Variants in PTK2 observed in about 807,000 individuals in gnomAD.
PTK2 encodes protein tyrosine kinase 2, also known as focal adhesion kinase 1.
Under a neutral mutation model 150.1 loss-of-function variants are expected in PTK2, and 45 were observed. The ratio of observed to expected loss-of-function variants is 0.30; its 90% CI spans 0.24 to 0.38. The LOEUF (loss-of-function observed/expected upper bound fraction) is 0.38. PTK2 is among the 10% of genes least tolerant of loss of function. The pLI is 1.00. For missense variants in PTK2, 919 were observed against 1,307.3 expected (o/e 0.70, Z 4.58); for synonymous variants, 432 against 449.2 (o/e 0.96, Z 0.48).
At chr8:140,706,359 C>T (rs1458876052) in intron 23 of PTK2, among the ~76,000 whole-genome samples, 154 bp from the exon 27 acceptor site, 11 of 152,166 alleles carry the variant, frequency 7.2e-5, no homozygotes, top group Non-Finnish European at 2.9e-5. Flanking sequence ...ACAGTCTTTT[C>T]AACAAATGAT....
intron 20 of PTK2, among the ~76,000 whole-genome samples, chr8:140,740,139 A>G (rs1225336580): frequency 6.6e-6 from 1 of 152,216 alleles, no homozygotes; most frequent in Admixed American, 6.5e-5. Flanking sequence ...AAACCTTAGT[A>G]AACATTTCCT....
chr8:140,674,521 C>T, intron 28 of PTK2, 117 bp from the exon 32 acceptor site: 2 of 852,368 alleles, frequency 2.3e-6, no homozygotes, highest in Non-Finnish European at 3.7e-6. Flanking sequence ...GGGCAGATCA[C>T]CTGAGGTCAG....
At chr8:140,937,475 T>C (rs2100174036) in intron 1 of PTK2, among the ~76,000 whole-genome samples, 1 of 151,884 alleles carries the variant, frequency 6.6e-6, no homozygotes, top group Non-Finnish European at 1.5e-5. Context: ...GCTTAAAGTA[T>C]ACTCTAATTG....
chr8:140,964,969 G>A (rs999589339), intron 1 of PTK2, among the ~76,000 whole-genome samples: 7 of 152,104 alleles, frequency 4.6e-5, no homozygotes, highest in Admixed American at 3.9e-4. Context: ...TGGCTTTACA[G>A]AATTTTGATG....
intron 2 of PTK2, among the ~76,000 whole-genome samples, chr8:140,923,389 T>C (rs1314650772): frequency 6.6e-6 from 1 of 152,184 alleles, no homozygotes; most frequent in East Asian, 1.9e-4. Flanking sequence ...ACAATCTCAG[T>C]GAAGCAGCTA....
At chr8:140,814,776 CTTT>C (rs1167413529) in intron 10 of PTK2, among the ~76,000 whole-genome samples, 5 of 141,832 alleles carry the variant, frequency 3.5e-5, no homozygotes, top group Non-Finnish European at 3.1e-5. Context: ...ATAAATTGTT[CTTT>C]TTTTTTTTTT....
At chr8:140,891,353 T>A (rs551761838) in intron 2 of PTK2, among the ~76,000 whole-genome samples, 1 of 152,214 alleles carries the variant, frequency 6.6e-6, no homozygotes, top group Non-Finnish European at 1.5e-5. Context: ...TTAAGTGCGA[T>A]AAAGGACTTC....
Position 140,956,073 on chromosome 8 carries a change from C to T in PTK2, c.-121-30324G>A, listed in dbSNP as rs148117299. 3.4e-3 allele frequency among the ~76,000 whole-genome samples: 516 copies of T among 152,310 alleles called. 4 individuals carry two copies. The highest frequency in any genetic ancestry group is 0.012 in the African/African-American group (501 of 41,562). On this transcript the variant is annotated intron_variant, in intron 1 of 31. Transcript: ENST00000522684. Reference sequence around the variant, plus strand: ...TCCACTACGCCCTATGCACTTTCCTCTCAAACTTCAGATAGTCAGGTCTTT... The same window carrying T: ...TCCACTACGCCCTATGCACTTTCCTTTCAAACTTCAGATAGTCAGGTCTTT...
At chr8:140,699,826 G>A (rs2100029157) in intron 26 of PTK2, among the ~76,000 whole-genome samples, 2 of 150,728 alleles carry the variant, frequency 1.3e-5, no homozygotes, top group African/African-American at 4.9e-5. Context: ...TTTTTCCTTA[G>A]GAGACAGAGT....
At chr8:140,827,512 C>T (rs1475615386) in intron 8 of PTK2, among the ~76,000 whole-genome samples, 1 of 152,058 alleles carries the variant, frequency 6.6e-6, no homozygotes, top group Non-Finnish European at 1.5e-5. Context: ...AAGATACCTG[C>T]ACAAATTTCC....
chr8:140,872,071 G>A (rs2100142861), intron 4 of PTK2, among the ~76,000 whole-genome samples: 1 of 152,044 alleles, frequency 6.6e-6, no homozygotes, highest in East Asian at 1.9e-4. Flanking sequence ...GCCAGGTGTT[G>A]TGGCGTAAGG....
intron 2 of PTK2, 92 bp from the exon 3 acceptor site, chr8:140,890,861 C>A: frequency 9.2e-7 from 1 of 1,088,792 alleles, no homozygotes; most frequent in Non-Finnish European, 1.4e-6. Flanking sequence ...GTCCTATACT[C>A]TCTCTTGATA....
At chr8:140,984,877 G>C (rs1588701546) in intron 1 of PTK2, among the ~76,000 whole-genome samples, 2 of 152,202 alleles carry the variant, frequency 1.3e-5, no homozygotes, top group East Asian at 3.9e-4. Context: ...CGAGTTCCTT[G>C]AAATGTGCCC....
chr8:140,944,916 A>C (rs2100177156), intron 1 of PTK2, among the ~76,000 whole-genome samples: 1 of 152,204 alleles, frequency 6.6e-6, no homozygotes, highest in Non-Finnish European at 1.5e-5. Flanking sequence ...TTGGTTTTTC[A>C]GTATCTCATT....
At chr8:140,872,490 C>A (rs114441800) in intron 4 of PTK2, among the ~76,000 whole-genome samples, 2 of 152,240 alleles carry the variant, frequency 1.3e-5, no homozygotes, top group African/African-American at 2.4e-5. Flanking sequence ...ACCTACTTAA[C>A]TGGGCTCTCC....
intron 22 of PTK2, among the ~76,000 whole-genome samples, chr8:140,719,901 A>AT (rs2100041882): frequency 1.3e-5 from 2 of 149,868 alleles, no homozygotes; most frequent in Admixed American, 6.6e-5. Context: ...AAAAAAAAAA[A>AT]AAAAAAAAAA....
At chr8:140,896,358 G>A (rs1195352377) in intron 2 of PTK2, among the ~76,000 whole-genome samples, 1 of 152,074 alleles carries the variant, frequency 6.6e-6, no homozygotes, top group African/African-American at 2.4e-5. Context: ...AACGATAAAA[G>A]TCTACCTTTC....
At chr8:140,806,828 T>C (rs1596386842) in intron 10 of PTK2, among the ~76,000 whole-genome samples, 3 of 152,336 alleles carry the variant, frequency 2.0e-5, no homozygotes, top group East Asian at 1.9e-4. Context: ...AATTTCAGGA[T>C]AGCAAAAGAT....
chr8:140,664,895 C>T, intron 31 of PTK2, 22 bp downstream of exon 35: 1 of 1,608,924 alleles, frequency 6.2e-7, no homozygotes. Context: ...CAGAGGGCTG[C>T]AAGGGGAAGA....
Sources: allele counts gnomAD v4.1 joint callset (sites outside exome capture counted in the v4.1 genomes callset), GRCh38; gene constraint gnomAD v4.1.1; transcripts MANE v1.5; gene names NCBI Gene and HGNC (gene_info 2026-07-23, HGNC 2026-07-21).